Variants in ZSWIM4 observed in about 807,000 individuals in gnomAD.
ZSWIM4 encodes the protein zinc finger SWIM domain-containing protein 4.
In ZSWIM4, 62 loss-of-function variants were observed where a neutral mutation model predicts 102.5. The observed-to-expected ratio is 0.60, with a 90% CI of 0.49 to 0.75. The LOEUF is 0.75. Among genes scored for constraint, ZSWIM4 ranks in the 30% least tolerant of loss-of-function variants. The probability of loss-of-function intolerance (pLI) is 0.00; values close to 1 mark genes in which losing one functional copy is unlikely to be tolerated. For synonymous variants in ZSWIM4, 652 were observed against 674.5 expected, an observed-to-expected ratio of 0.97 and a Z score of 0.52; for missense variants, 1,280 against 1,529.6, an observed-to-expected ratio of 0.84 and a Z score of 2.72.
In ZSWIM4 at chr19:13,804,924, TCTA is replaced by T; in HGVS notation, c.491_493del (p.Tyr164del). ...TGCGGCTGTGACAACCGCGACCTCT[TCTA>T]CTGTGCCCACGTGGTGGCCCTGTCC... is the stretch of plus-strand genomic sequence containing the variant. On this transcript the variant is annotated inframe_deletion, in exon 3 of 14. Coordinates refer to ENST00000590508, the MANE Select transcript of ZSWIM4 (RefSeq NM_001367834.3). 6.2e-7 allele frequency: 1 copy of T among 1,613,450 alleles called. No individual in the cohort carries two copies.
chr19:13,796,183 C>G (rs530336801), intron 1 of ZSWIM4, among the ~76,000 whole-genome samples: 1 of 150,320 alleles, frequency 6.7e-6, no homozygotes, highest in South Asian at 2.1e-4. Flanking sequence ...CACCTTATCC[C>G]CCAACGGTAC....
intron 3 of ZSWIM4, among the ~76,000 whole-genome samples, chr19:13,807,570 AGATGGATGGATG>A (rs56365536): frequency 0.015 from 2,113 of 141,140 alleles, 41 homozygotes; most frequent in African/African-American, 0.052. Flanking sequence ...GTTTTGGGCA[AGATGGATGGATG>A]GATGGATGGA....
intron 2 of ZSWIM4, among the ~76,000 whole-genome samples, chr19:13,800,951 G>A (rs1426211436): frequency 6.6e-6 from 1 of 151,904 alleles, no homozygotes; most frequent in Non-Finnish European, 1.5e-5. Flanking sequence ...AGACCAGCCT[G>A]GGCAACACAA....
rs114612241 is a variant in ZSWIM4, at chr19:13,804,763, C to T, written c.356-29C>T. On this transcript the variant is annotated intron_variant, in intron 2 of 13. Coordinates refer to ENST00000590508, the MANE Select transcript of ZSWIM4 (RefSeq NM_001367834.3). ...AACACCGCCTGTCTCTGGGATGACA[C>T]GGATGCGACAGTTTGGCTTTGATCC... 1,606 of 1,536,640 alleles carry T rather than the reference C, an allele frequency of 1.0e-3. 13 individuals carry two copies. The African/African-American group carries it at 0.019, about 18-fold the overall frequency.
chr19:13,804,802 G>C lies in ZSWIM4; in HGVS notation c.366G>C (p.Leu122=). The C allele has an allele frequency of 2.5e-6, 4 of 1,585,644 alleles. No homozygotes were observed. Among genetic ancestry groups the C allele is most frequent in the Non-Finnish European group, 3.4e-6 (4 of 1,163,366 alleles). ...TGGCTTTGATCCTAGGATTCCACCT[G>C]AGCGGAAACATCCGCGAGCCAGGGA... ...VDRVLQVGFH[L]SGNIREPGSP... The change falls in exon 3 of 14, where the codon CTG becomes CTC. Residue 122 remains leucine (L), a synonymous_variant. Coordinates refer to ENST00000590508, the MANE Select transcript of ZSWIM4 (RefSeq NM_001367834.3).
rs1177998200 is a variant in ZSWIM4 at position 13,825,477 on chromosome 19, A to G, written c.2216-73A>G. The G allele has an allele frequency of 6.5e-7, 1 of 1,544,746 alleles. No individual in the cohort carries two copies. Among genetic ancestry groups the G allele is most frequent in the Non-Finnish European group, 8.8e-7 (1 of 1,131,438 alleles). On this transcript the variant is annotated intron_variant, in intron 11 of 13. Coordinates refer to ENST00000590508, the MANE Select transcript of ZSWIM4 (RefSeq NM_001367834.3). The surrounding 1 kb of genome is among the most constrained non-coding windows in gnomAD (Gnocchi z 4.6). ...CCCCTGGGTGGAAGGATCTGTGTGA[A>G]CAGGTCGGGTGGTGGTCAGAGGCTG...
chr19:13,811,555 C>G (rs1006741020), intron 5 of ZSWIM4, among the ~76,000 whole-genome samples: 5 of 151,928 alleles, frequency 3.3e-5, no homozygotes, highest in Admixed American at 1.3e-4. Context: ...AGGCGCTTGG[C>G]ACAGTGGCAG....
In ZSWIM4 at chr19:13,817,312, A is replaced by T; in HGVS notation, c.1628A>T (p.Glu543Val). ...GGCTGCCTCTGCAGGGCGCTCCTGG[A>T]GGCCTGTCGTCTGGAGGAGGAGACA... The part of the protein sequence containing the change: ...PIGCLCRALL[E>V]ACRLEEETLT... Residue 543 changes from glutamate (E) to valine (V), a missense_variant, in exon 8 of 14, where the codon GAG becomes GTG. Transcript: ENST00000590508. The T allele has an allele frequency of 1.9e-6, 3 of 1,613,970 alleles. No individual in the cohort carries two copies. Among genetic ancestry groups the T allele is most frequent in the Non-Finnish European group, 2.5e-6 (3 of 1,179,900 alleles).
Position 13,823,444 on chromosome 19 carries a change from G to A in ZSWIM4, c.2159G>A (p.Gly720Asp), listed in dbSNP as rs1975522060. 3.2e-6 allele frequency: 5 copies of A among 1,587,154 alleles called. No homozygotes were observed. The highest frequency in any genetic ancestry group is 4.3e-6 in the Non-Finnish European group (5 of 1,165,392). ...SNRFPRWFIL[G>D]HLETRQCELA... ...CGCTTCCCCCGCTGGTTCATCCTTG[G>A]CCACCTGGAGACCCGCCAGTGTGAA... is the stretch of plus-strand genomic sequence containing the variant. Residue 720 changes from glycine to aspartate, a missense_variant, in exon 11 of 14, where the codon GGC becomes GAC. Physicochemically the swap from Gly to Asp is moderately conservative, Grantham distance 94. Coordinates refer to ENST00000590508, the MANE Select transcript of ZSWIM4 (RefSeq NM_001367834.3).
rs1246221522 is a variant in ZSWIM4 at position 13,819,482 on chromosome 19, C to T, written c.2050C>T (p.Arg684Ter). The T allele has an allele frequency of 1.1e-5, 18 of 1,599,834 alleles. No homozygotes were observed. Among genetic ancestry groups the T allele is most frequent in the Non-Finnish European group, 1.4e-5 (17 of 1,173,388 alleles). ...DPDLAYRLAL[R>*]AMRLPILETA... The stretch of plus-strand genomic sequence containing the variant: ...GGACCTGGCCTATCGCCTCGCGCTG[C>T]GAGCTATGAGGTGAGGATAGGTGGC... Residue 684 changes from arginine to a stop codon, truncating the protein, a stop_gained, in exon 10 of 14, where the codon CGA (arginine) becomes TGA (stop). Transcript: ENST00000590508. LOFTEE classifies it high-confidence loss of function.
At chr19:13,827,319 T>C (rs1266188745) in intron 12 of ZSWIM4, among the ~76,000 whole-genome samples, 3 of 150,224 alleles carry the variant, frequency 2.0e-5, no homozygotes, top group Admixed American at 6.6e-5. Flanking sequence ...AAAAAAGAAG[T>C]TGGGGCCAGG....
chr19:13,814,167 A>G (rs189945062), intron 6 of ZSWIM4, among the ~76,000 whole-genome samples: 6 of 148,342 alleles, frequency 4.0e-5, no homozygotes, highest in African/African-American at 1.5e-4. Context: ...AGCGATTCTC[A>G]TTCCTCAGCC....
chr19:13,825,440 C>T lies in ZSWIM4; in HGVS notation c.2216-110C>T. The T allele has an allele frequency of 7.5e-7, 1 of 1,332,236 alleles. No homozygotes were observed. Among genetic ancestry groups the T allele is most frequent in the East Asian group, 2.3e-5 (1 of 43,074 alleles). 82.5% of individuals were successfully genotyped at this position (1,332,236 alleles called of 1,614,324 possible). On this transcript the variant is annotated intron_variant, in intron 11 of 13. Coordinates refer to ENST00000590508, the MANE Select transcript of ZSWIM4 (RefSeq NM_001367834.3). This position sits in a 1 kb window ranked among gnomAD's most constrained non-coding sequence, Gnocchi z 4.6. ...ATGGCCCAGTACACATCCCTCCACA[C>T]TCACACATGTGCCCCTGGGTGGAAG...
Position 13,832,107 on chromosome 19 carries a change from T to C in ZSWIM4, c.*1057T>C, listed in dbSNP as rs1196683208. ...AACTTTTTTTCTATTTATTGAACGG[T>C]GTATTACATGTCCTTTTCCTTTTTT... On this transcript the variant is annotated 3_prime_UTR_variant, in exon 14 of 14. Transcript: ENST00000590508. 6.6e-6 allele frequency: 1 copy of C among 150,426 alleles called. No homozygotes were observed. The highest frequency in any genetic ancestry group is 2.4e-5 in the African/African-American group (1 of 40,830). The allele number at this position is 150,426 out of a possible 1,614,324, so 9.3% of individuals were successfully genotyped here. A position where few individuals can be genotyped will look rare whatever the true frequency, so the allele number is the denominator to read the frequency against.
chr19:13,807,754 C>CATGGTTGG (rs1974958421), intron 3 of ZSWIM4, among the ~76,000 whole-genome samples: 1 of 139,218 alleles, frequency 7.2e-6, no homozygotes, highest in African/African-American at 2.6e-5. Context: ...TGGATGGATG[C>CATGGTTGG]ATGGATGGAT....
intron 12 of ZSWIM4, among the ~76,000 whole-genome samples, chr19:13,828,342 A>G (rs1449761531): frequency 6.6e-6 from 1 of 151,848 alleles, no homozygotes; most frequent in Non-Finnish European, 1.5e-5. Context: ...CGGGAGGCGG[A>G]GGTTGTAGTG....
At chr19:13,808,740 C>CAA (rs755959483) in intron 3 of ZSWIM4, 96 bp from the exon 4 acceptor site, 8,496 of 826,536 alleles carry the variant, frequency 0.01, no homozygotes, top group Non-Finnish European at 0.011. Flanking sequence ...ACTCCGTCTC[C>CAA]AAAAAAAAAA....
At position 13,830,135 on chromosome 19, in the gene ZSWIM4, A is replaced by G. The variant is rs139287637; in HGVS notation, c.2462-56A>G. On this transcript the variant is annotated intron_variant, in intron 13 of 13. Transcript: ENST00000590508. ...AGTGTCATGGTTAACCCACGCATAC[A>G]TGTACGTGTGTCTGCCCCCGCTCCT... The G allele has an allele frequency of 3.0e-4, 466 of 1,568,540 alleles. No homozygotes were observed. In the East Asian group the frequency reaches 5.0e-3, roughly 17 times the overall value.
chr19:13,813,000 C>T lies in ZSWIM4; in HGVS notation c.1016C>T (p.Ala339Val). 1 of 1,607,998 alleles carries T rather than the reference C, an allele frequency of 6.2e-7. No individual in the cohort carries two copies. Among genetic ancestry groups the T allele is most frequent in the East Asian group, 2.2e-5 (1 of 44,702 alleles). Reference sequence around the variant, plus strand: ...AGCCTGCCCCGTGCCTCCTCAGGGGCCCTGTGGGTTTGCGTCGTCCTGAGC... The same window carrying T: ...AGCCTGCCCCGTGCCTCCTCAGGGGTCCTGTGGGTTTGCGTCGTCCTGAGC... ...KCRQLWDELG[A>V]LWVCVVLSPH... Residue 339 changes from alanine to valine, a missense_variant, in exon 6 of 14, where the codon GCC (alanine) becomes GTC (valine). Ala to Val is a moderately conservative substitution (Grantham distance 64). Transcript: ENST00000590508.
Sources: allele counts gnomAD v4.1 joint callset (sites outside exome capture counted in the v4.1 genomes callset), GRCh38; gene constraint gnomAD v4.1.1; non-coding constraint Gnocchi (gnomAD v3.1); transcripts MANE v1.5; gene names NCBI Gene and HGNC (gene_info 2026-07-23, HGNC 2026-07-21).